LRRC37A2: variants seen among roughly 807,000 people sequenced by gnomAD.
The protein encoded by LRRC37A2 is leucine-rich repeat-containing protein 37A2.
LRRC37A2 carries 9 observed loss-of-function variants against 68.8 expected under a neutral mutation model. The ratio of observed to expected loss-of-function variants is 0.13; its 90% CI spans 0.08 to 0.23. The LOEUF is 0.23. Among genes scored for constraint, LRRC37A2 ranks in the 10% least tolerant of loss-of-function variants. LRRC37A2 has a pLI of 1.00. For missense variants in LRRC37A2, 168 were observed against 950.4 expected (o/e 0.18, Z 10.82); for synonymous variants, 63 against 367.6 (o/e 0.17, Z 9.48).
At chr17:46,814,374 G>A in the LRRC37A2 span, among the ~76,000 whole-genome samples, 3 of 152,276 alleles carry the variant, frequency 2.0e-5, no homozygotes, top group African/African-American at 4.8e-5. Flanking sequence ...TGATCCTATC[G>A]GAAGAATACC....
chr17:46,817,543 G>A, the LRRC37A2 span, among the ~76,000 whole-genome samples: 3 of 152,216 alleles, frequency 2.0e-5, no homozygotes, highest in South Asian at 6.2e-4. Context: ...GGAGAGCGGC[G>A]ATGGGGCCGC....
At chr17:46,986,230 G>GT in the LRRC37A2 span, among the ~76,000 whole-genome samples, 81 of 152,098 alleles carry the variant, frequency 5.3e-4, no homozygotes, top group Non-Finnish European at 1.1e-3. Context: ...ATTTAGCACA[G>GT]TTTAGGAAGT....
chr17:46,854,361 T>A, the LRRC37A2 span, among the ~76,000 whole-genome samples: 3 of 152,200 alleles, frequency 2.0e-5, no homozygotes, highest in Admixed American at 2.0e-4. Context: ...CACAAAGTGC[T>A]TTGGCATCCT....
the LRRC37A2 span, among the ~76,000 whole-genome samples, chr17:46,950,217 G>C: frequency 3.3e-5 from 5 of 152,174 alleles, no homozygotes; most frequent in African/African-American, 1.2e-4. Context: ...GTCACTTCTC[G>C]TTCCTATCCC....
chr17:47,008,694 G>A, the LRRC37A2 span, among the ~76,000 whole-genome samples: 1 of 151,346 alleles, frequency 6.6e-6, no homozygotes, highest in Non-Finnish European at 1.5e-5. Flanking sequence ...TGGCCAGGCT[G>A]GTCTCAAACT....
chr17:46,762,425 G>A, the LRRC37A2 span: 1 of 151,978 alleles, frequency 6.6e-6, no homozygotes, highest in African/African-American at 2.4e-5. Flanking sequence ...TTAATTAGCT[G>A]AGGCCACCAT....
At chr17:47,000,096 T>TAAAATAAAATAAAATAAAAATAA in the LRRC37A2 span, among the ~76,000 whole-genome samples, 19 of 114,828 alleles carry the variant, frequency 1.7e-4, no homozygotes, top group African/African-American at 5.4e-4. Flanking sequence ...TAAAATAAAA[T>TAAAATAAAATAAAATAAAAATAA]AAAATAAAAT....
At chr17:46,923,294 G>A in the LRRC37A2 span, 1 of 1,548,572 alleles carries the variant, frequency 6.5e-7, no homozygotes, top group Non-Finnish European at 8.7e-7. Flanking sequence ...TGGGGCTGAG[G>A]CCTCGGACGT....
chr17:46,961,642 A>C, the LRRC37A2 span, among the ~76,000 whole-genome samples: 1 of 152,186 alleles, frequency 6.6e-6, no homozygotes, highest in Non-Finnish European at 1.5e-5. Flanking sequence ...AAGATGAAAT[A>C]CGTCTGTAAA....
At chr17:47,000,254 A>C in the LRRC37A2 span, among the ~76,000 whole-genome samples, 2 of 102,414 alleles carry the variant, frequency 2.0e-5, no homozygotes, top group Admixed American at 1.1e-4. Flanking sequence ...TTTTTTTTTG[A>C]GACAGAGTCC....
At chr17:46,741,766 T>G in the LRRC37A2 span, among the ~76,000 whole-genome samples, 20 of 9,046 alleles carry the variant, frequency 2.2e-3, no homozygotes, top group Admixed American at 0.031. Context: ...ACTTGGTTTT[T>G]GTTTTTGTTG....
the LRRC37A2 span, among the ~76,000 whole-genome samples, chr17:46,800,849 T>G: frequency 2.0e-5 from 3 of 152,032 alleles, no homozygotes; most frequent in Non-Finnish European, 4.4e-5. Flanking sequence ...GGGGCCGCGG[T>G]GCTGAGGGAA....
chr17:46,850,874 T>C, the LRRC37A2 span, among the ~76,000 whole-genome samples: 4 of 152,044 alleles, frequency 2.6e-5, no homozygotes, highest in East Asian at 2.0e-4. Context: ...ACTGTCCACT[T>C]TGGATTTCTG....
chr17:46,552,731 CAGAA>C (rs1461862915), intron 11 of LRRC37A2: 1 of 84,306 alleles, frequency 1.2e-5, no homozygotes. Flanking sequence ...AAAATACAAA[CAGAA>C]AGTACAATAT....
the LRRC37A2 span, among the ~76,000 whole-genome samples, chr17:46,782,437 C>T: frequency 3.2e-4 from 49 of 152,312 alleles, no homozygotes; most frequent in Admixed American, 9.8e-4. Flanking sequence ...CTGGGCAGTA[C>T]TGGACAGAGG....
At chr17:46,724,807 C>T in the LRRC37A2 span, among the ~76,000 whole-genome samples, 1 of 151,968 alleles carries the variant, frequency 6.6e-6, no homozygotes, top group African/African-American at 2.4e-5. Context: ...CACTCCAAGA[C>T]TCAATCCTTA....
At chr17:46,719,125 G>T in the LRRC37A2 span, among the ~76,000 whole-genome samples, 45 of 152,300 alleles carry the variant, frequency 3.0e-4, no homozygotes, top group African/African-American at 1.1e-3. This position sits in a 1 kb window ranked among gnomAD's most constrained non-coding sequence, Gnocchi z 4.3. Context: ...TAAGCAGAAG[G>T]TTGGCATTTA....
At chr17:46,755,688 G>C in the LRRC37A2 span, 8 of 1,180,184 alleles carry the variant, frequency 6.8e-6, no homozygotes, top group Non-Finnish European at 9.5e-6. Context: ...TGCATAGTGG[G>C]AAATGTAGGA....
At chr17:46,543,375 G>C (rs1484234287) in intron 8 of LRRC37A2, among the ~76,000 whole-genome samples, 5 of 150,646 alleles carry the variant, frequency 3.3e-5, no homozygotes, top group Admixed American at 6.6e-5. Flanking sequence ...AACAATCCTG[G>C]GAACAGTTCT....
Sources: gnomAD v4.1 joint callset for allele counts (sites outside exome capture counted in the v4.1 genomes callset) on GRCh38, gnomAD v4.1.1 for gene constraint, Gnocchi (gnomAD v3.1) non-coding constraint, MANE v1.5 for transcripts, NCBI Gene and HGNC (gene_info 2026-07-23, HGNC 2026-07-21) for gene names.